Variants in PCDHGB7 observed in about 807,000 individuals in gnomAD.
The protein encoded by PCDHGB7 is protocadherin gamma-B7.
Under a neutral mutation model 61.4 loss-of-function variants are expected in PCDHGB7, and 37 were observed. The observed-to-expected ratio is 0.60, with a 90% CI of 0.46 to 0.79. PCDHGB7 has a LOEUF of 0.79. Ranked by LOEUF, PCDHGB7 falls within the 30% of genes least tolerant of loss-of-function variation. The probability of loss-of-function intolerance (pLI) is 0.00; values close to 1 mark genes in which losing one functional copy is unlikely to be tolerated. For missense variants in PCDHGB7, 1,166 were observed against 1,202.5 expected (o/e 0.97, Z 0.45); for synonymous variants, 464 against 503.5 (o/e 0.92, Z 1.05).
At chr5:141,434,070 T>C (rs1004240895) in intron 1 of PCDHGB7, among the ~76,000 whole-genome samples, 3 of 152,226 alleles carry the variant, frequency 2.0e-5, no homozygotes, top group Non-Finnish European at 2.9e-5. Context: ...TCTGTTAATA[T>C]CAATTATTTA....
chr5:141,510,451 G>A (rs1330148267), intron 3 of PCDHGB7, among the ~76,000 whole-genome samples: 2 of 152,096 alleles, frequency 1.3e-5, no homozygotes, highest in East Asian at 1.9e-4. Context: ...AGGAGCCCAT[G>A]GTCTAGTGTG....
chr5:141,473,163 G>T (rs1379230893), intron 1 of PCDHGB7, among the ~76,000 whole-genome samples: 2 of 152,160 alleles, frequency 1.3e-5, no homozygotes, highest in Non-Finnish European at 1.5e-5. Flanking sequence ...GGGCTAGGAA[G>T]GCCCACTGGT....
At position 141,477,924 on chromosome 5, in the gene PCDHGB7, A is replaced by G; in HGVS notation, c.2416-16883A>G. 1 of 1,614,140 alleles carries G rather than the reference A, an allele frequency of 6.2e-7. No homozygotes were observed. On this transcript the variant is annotated intron_variant, in intron 1 of 3. Transcript: ENST00000398594. The surrounding 1 kb of genome is among the most constrained non-coding windows in gnomAD (Gnocchi z 4.9). ...GGCTGGGACGCGGATGCAGGGCACA[A>G]TGCCTGGCTCTCCTACAGTCTCTTG...
Position 141,419,378 on chromosome 5 carries a change from G to A in PCDHGB7, c.1519G>A (p.Val507Met). 1.9e-6 allele frequency: 3 copies of A among 1,613,710 alleles called. No individual in the cohort carries two copies. The highest frequency in any genetic ancestry group is 2.5e-6 in the Non-Finnish European group (3 of 1,179,902). ...ACGAACGCTGTCGTCCTACGTGTCC[G>A]TGAGCGCGCAGAGCGGGGTGGTGTT... ...ESRTLSSYVS[V>M]SAQSGVVFAQ... The change falls in exon 1 of 4, where the codon GTG becomes ATG. Residue 507 changes from valine (V) to methionine (M), a missense_variant. Val to Met is a conservative substitution (Grantham distance 21, BLOSUM62 1). Transcript: ENST00000398594.
intron 1 of PCDHGB7, among the ~76,000 whole-genome samples, chr5:141,479,979 T>C (rs67253891): frequency 0.061 from 9,352 of 152,266 alleles, 334 homozygotes; most frequent in South Asian, 0.12. Context: ...GTTCTACCAT[T>C]TACCAACTAG....
Position 141,432,442 on chromosome 5 carries a change from G to A in PCDHGB7, c.2415+12168G>A. 1 of 1,614,228 alleles carries A rather than the reference G, an allele frequency of 6.2e-7. No individual in the cohort carries two copies. Among genetic ancestry groups the A allele is most frequent in the Non-Finnish European group, 8.5e-7 (1 of 1,180,042 alleles). On this transcript the variant is annotated intron_variant, in intron 1 of 3. Transcript: ENST00000398594. The surrounding 1 kb of genome is among the most constrained non-coding windows in gnomAD (Gnocchi z 6.0). ...TGGACCAGAACGACAATGCGCCCGA[G>A]ATCCTGTACCCCGCCCTCCCCACGG...
chr5:141,497,497 C>T (rs1318882060), intron 2 of PCDHGB7, among the ~76,000 whole-genome samples: 1 of 151,714 alleles, frequency 6.6e-6, no homozygotes, highest in Non-Finnish European at 1.5e-5. Context: ...TCTCTCTCTC[C>T]TCTCTCTGCT....
Position 141,420,271 on chromosome 5 carries a change from A to G in PCDHGB7, c.2412A>G (p.Lys804=). 1 of 1,536,584 alleles carries G rather than the reference A, an allele frequency of 6.5e-7. No homozygotes were observed. The highest frequency in any genetic ancestry group is 8.8e-7 in the Non-Finnish European group (1 of 1,135,480). ...PSVEADKKIL[K]QQAPPNTDWR... is the part of the protein sequence containing the mutation. ...TTGAAGCAGATAAGAAGATTCTTAAACAGGTAAGTATTTAAAAATGTATTT... is the reference window on the plus strand; with the variant it reads ...TTGAAGCAGATAAGAAGATTCTTAAGCAGGTAAGTATTTAAAAATGTATTT... The change falls in exon 1 of 4, where the codon AAA becomes AAG. Residue 804 remains lysine (K), a synonymous_variant. Transcript: ENST00000398594.
intron 1 of PCDHGB7, among the ~76,000 whole-genome samples, chr5:141,433,573 C>T (rs1400327372): frequency 1.3e-5 from 2 of 152,046 alleles, no homozygotes; most frequent in Admixed American, 1.3e-4. Flanking sequence ...CGGTGGCTCA[C>T]GCCTGTAATC....
rs117064561 is a variant in PCDHGB7, at chr5:141,470,737, G to T, written c.2416-24070G>T. Among the ~76,000 whole-genome samples the T allele has an allele frequency of 1.9e-3, 295 of 152,132 alleles. 7 individuals carry two copies. In the East Asian group the frequency reaches 0.046, roughly 24 times the overall value. On this transcript the variant is annotated intron_variant, in intron 1 of 3. Coordinates refer to ENST00000398594, the MANE Select transcript of PCDHGB7 (RefSeq NM_018927.4). ...TTTTGAGTCAGGGTCTTGCTCTGTC[G>T]CCCTGGCTGGAGTGCAGTGGACTCA...
intron 1 of PCDHGB7, among the ~76,000 whole-genome samples, chr5:141,444,106 G>A (rs2098417269): frequency 7.6e-6 from 1 of 131,112 alleles, no homozygotes; most frequent in South Asian, 2.6e-4. Flanking sequence ...TGGAAACCAA[G>A]AAAAGTGAAG....
Position 141,477,388 on chromosome 5 carries a change from C to T in PCDHGB7, c.2416-17419C>T. The T allele has an allele frequency of 6.2e-7, 1 of 1,614,136 alleles. No homozygotes were observed. The highest frequency in any genetic ancestry group is 8.5e-7 in the Non-Finnish European group (1 of 1,180,014). On this transcript the variant is annotated intron_variant, in intron 1 of 3. Transcript: ENST00000398594. The surrounding 1 kb of genome is among the most constrained non-coding windows in gnomAD (Gnocchi z 4.9). Reference sequence around the variant, plus strand: ...ATCGGGAGACTGTGCCAGAATACAACCTCAGCATCACCGCCCGAGACGCCG... The same window carrying T: ...ATCGGGAGACTGTGCCAGAATACAATCTCAGCATCACCGCCCGAGACGCCG...
chr5:141,507,691 A>G (rs777728143), intron 3 of PCDHGB7, among the ~76,000 whole-genome samples: 72 of 152,198 alleles, frequency 4.7e-4, no homozygotes, highest in Non-Finnish European at 6.8e-4. Context: ...CAGAAATGAA[A>G]TCAGTATTTA....
chr5:141,446,917 C>G (rs979679080), intron 1 of PCDHGB7, among the ~76,000 whole-genome samples: 1 of 152,108 alleles, frequency 6.6e-6, no homozygotes, highest in South Asian at 2.1e-4. Flanking sequence ...TTTTATTTAT[C>G]TTCCTGATCT....
intron 1 of PCDHGB7, chr5:141,475,971 C>T (rs750016455): frequency 2.1e-5 from 20 of 954,292 alleles, no homozygotes; most frequent in Non-Finnish European, 2.9e-5. Context: ...GAGGCAGAGA[C>T]TGAACAGCCG....
rs1000330093 is a variant in PCDHGB7 at position 141,511,812 on chromosome 5, C to T, written c.*639C>T. 2.5e-5 allele frequency: 4 copies of T among 157,260 alleles called. No individual in the cohort carries two copies. Among genetic ancestry groups the T allele is most frequent in the African/African-American group, 9.6e-5 (4 of 41,492 alleles). The allele number at this position is 157,260 out of a possible 1,614,324, so 9.7% of individuals were successfully genotyped here. The stretch of plus-strand genomic sequence containing the variant: ...TAGGGAGGGCATTTTGCTACCAAGC[C>T]TCTTCCCAACGCCCTGGGGACCAGT... On this transcript the variant is annotated 3_prime_UTR_variant, in exon 4 of 4. Transcript: ENST00000398594.
intron 1 of PCDHGB7, among the ~76,000 whole-genome samples, chr5:141,429,781 A>G (rs2097245343): frequency 1.3e-5 from 2 of 152,186 alleles, no homozygotes; most frequent in Non-Finnish European, 2.9e-5. Context: ...TGGGCTTCCA[A>G]AAGTATTACC....
intron 1 of PCDHGB7, chr5:141,471,227 T>C (rs2099253010): frequency 6.6e-6 from 1 of 151,604 alleles, no homozygotes; most frequent in Admixed American, 6.6e-5. Flanking sequence ...TTTTTTGTAT[T>C]TTTAGTAGAG....
chr5:141,499,122 A>G (rs971741957), intron 2 of PCDHGB7, among the ~76,000 whole-genome samples: 3 of 152,140 alleles, frequency 2.0e-5, no homozygotes, highest in African/African-American at 7.2e-5. Context: ...ATCCCTTCTC[A>G]GGTCATCCTT....
Sources: allele counts gnomAD v4.1 joint callset (sites outside exome capture counted in the v4.1 genomes callset), GRCh38; gene constraint gnomAD v4.1.1; non-coding constraint Gnocchi (gnomAD v3.1); transcripts MANE v1.5; gene names NCBI Gene and HGNC (gene_info 2026-07-23, HGNC 2026-07-21).